The following CEP170B variants were observed in gnomAD, a reference collection of about 807,000 sequenced individuals.
The protein encoded by CEP170B is centrosomal protein of 170 kDa protein B.
Under a neutral mutation model 120.6 loss-of-function variants are expected in CEP170B, and 55 were observed. The observed-to-expected ratio is 0.46, with a 90% confidence interval of 0.37 to 0.57. The LOEUF is 0.57. Ranked by LOEUF, CEP170B falls within the 20% of genes least tolerant of loss-of-function variation. CEP170B has a pLI of 0.00. For synonymous variants in CEP170B, 1,033 were observed against 954.5 expected (o/e 1.08, Z -1.52); for missense variants, 2,212 against 2,253.3 (o/e 0.98, Z 0.37).
intron 7 of CEP170B, 56 bp from the exon 8 acceptor site, chr14:104,882,979 G>A: frequency 1.4e-6 from 2 of 1,467,190 alleles, no homozygotes; most frequent in Non-Finnish European, 1.8e-6. Context: ...TGGCTGAGGA[G>A]GGTGGTGGCA....
At position 104,884,411 on chromosome 14, in the gene CEP170B, G is replaced by A. The variant is rs568983781; in HGVS notation, c.1632G>A (p.Pro544=). ...GCCCCGTGGGCCCCCCGACCCCACC[G>A]CCCGCCCCCACGGACCCCCAGCTGA... is the stretch of plus-strand genomic sequence containing the variant. The part of the protein sequence containing the change: ...GTSPVGPPTP[P]PAPTDPQLTK... The change falls in exon 9 of 19, where the codon CCG becomes CCA. Residue 544 remains proline, a synonymous_variant. Coordinates refer to ENST00000414716, the MANE Select transcript of CEP170B (RefSeq NM_001112726.3). The A allele has an allele frequency of 9.5e-4, 681 of 719,426 alleles. 2 individuals are homozygous for A. The East Asian group carries it at 0.017, about 18-fold the overall frequency. 44.6% of individuals were successfully genotyped at this position (719,426 alleles called of 1,614,324 possible).
At chr14:104,879,211 C>T (rs907347255) in intron 5 of CEP170B, among the ~76,000 whole-genome samples, 1 of 152,112 alleles carries the variant, frequency 6.6e-6, no homozygotes, top group African/African-American at 2.4e-5. Flanking sequence ...AATTTGGTCT[C>T]TCTGTGAGTG....
intron 13 of CEP170B, among the ~76,000 whole-genome samples, chr14:104,890,154 A>G (rs1294339357): frequency 4.5e-5 from 3 of 66,250 alleles, no homozygotes; most frequent in East Asian, 9.4e-4. Context: ...GGATGGATGG[A>G]TGGATGCATG....
At position 104,896,415 on chromosome 14, in the gene CEP170B, C is replaced by T. The variant is rs1012305450; in HGVS notation, c.*1457C>T. The T allele has an allele frequency of 4.6e-5, 17 of 369,692 alleles. 1 individual carries two copies. Among genetic ancestry groups the T allele is most frequent in the South Asian group, 1.4e-4 (7 of 51,372 alleles). The allele number at this position is 369,692 out of a possible 1,614,324, so 22.9% of individuals were successfully genotyped here. A position where few individuals can be genotyped will look rare whatever the true frequency, so the allele number is the denominator to read the frequency against. ...TGGAGGAGGTGCTAGCCCGGTCCAC[C>T]GGGCTGCTGCCCACCCCTGCATGCC... is the stretch of plus-strand genomic sequence containing the variant. On this transcript the variant is annotated 3_prime_UTR_variant, in exon 19 of 19. Coordinates refer to ENST00000414716, the MANE Select transcript of CEP170B (RefSeq NM_001112726.3).
rs1035177790 is a variant in CEP170B, at chr14:104,891,623, G to A, written c.3879-1353G>A. On this transcript the variant is annotated intron_variant, in intron 13 of 18. Coordinates refer to ENST00000414716, the MANE Select transcript of CEP170B (RefSeq NM_001112726.3). The surrounding 1 kb of genome is among the most constrained non-coding windows in gnomAD (Gnocchi z 4.3). Reference sequence around the variant, plus strand: ...CATCAGCGGAGGAGGCTAGCACAGGGCTAGGGCTCTGGACAGAGACACTGC... The same window carrying A: ...CATCAGCGGAGGAGGCTAGCACAGGACTAGGGCTCTGGACAGAGACACTGC... Among the ~76,000 whole-genome samples the A allele has an allele frequency of 3.3e-5, 5 of 152,070 alleles. No homozygotes were observed. The highest frequency in any genetic ancestry group is 7.4e-5 in the Non-Finnish European group (5 of 67,988).
At chr14:104,893,990 C>T (rs749245900) in intron 16 of CEP170B, 141 bp downstream of exon 16, 4 of 815,666 alleles carry the variant, frequency 4.9e-6, no homozygotes, top group East Asian at 5.3e-5. Context: ...CCCGTGTGCA[C>T]GTGTATGTGG....
At position 104,895,045 on chromosome 14, in the gene CEP170B, G is replaced by A; in HGVS notation, c.*87G>A. 7.0e-7 allele frequency: 1 copy of A among 1,419,382 alleles called. No individual in the cohort carries two copies. Among genetic ancestry groups the A allele is most frequent in the East Asian group, 2.6e-5 (1 of 39,202 alleles). The allele number at this position is 1,419,382 out of a possible 1,614,324, so 87.9% of individuals were successfully genotyped here. ...ACACCCGCCTGCCTGGCCGCAGGTG[G>A]TTCTCCCTGAAGACCCCCACATGTG... is the stretch of plus-strand genomic sequence containing the variant. On this transcript the variant is annotated 3_prime_UTR_variant, in exon 19 of 19. Coordinates refer to ENST00000414716, the MANE Select transcript of CEP170B (RefSeq NM_001112726.3).
Position 104,887,225 on chromosome 14 carries a change from G to A in CEP170B, c.2986G>A (p.Gly996Arg), listed in dbSNP as rs774416305. The change falls in exon 12 of 19, where the codon GGA becomes AGA. Residue 996 changes from glycine (G) to arginine (R), a missense_variant. This residue lies in a region of CEP170B where 2,166 missense variants were observed against 2,166.7 expected (regional missense o/e 1.00). Transcript: ENST00000414716. ...SPSPPAAQDP[G>R]GTALVSAREQ... ...ATCCCCGCCAGCTGCACAGGACCCG[G>A]GAGGCACCGCCCTGGTCAGTGCCCG... The A allele has an allele frequency of 7.5e-6, 12 of 1,606,056 alleles. No homozygotes were observed. The highest frequency in any genetic ancestry group is 1.0e-5 in the Non-Finnish European group (12 of 1,179,648).
At chr14:104,877,370 G>GT (rs1349797948) in intron 3 of CEP170B, among the ~76,000 whole-genome samples, 1 of 152,200 alleles carries the variant, frequency 6.6e-6, no homozygotes, top group African/African-American at 2.4e-5. Context: ...TCTGAGGCCT[G>GT]TGATGCCCAC....
intron 9 of CEP170B, among the ~76,000 whole-genome samples, chr14:104,885,040 C>T (rs1394593243): frequency 1.6e-4 from 5 of 30,966 alleles, no homozygotes; most frequent in African/African-American, 4.8e-4. Context: ...TGAGAGTACT[C>T]GTGGGGAACG....
chr14:104,886,367 G>C lies in CEP170B; in HGVS notation c.2128G>C (p.Asp710His). Reference protein sequence around the residue: ...RLPQLPSERADSPAGPESSRR... With the variant: ...RLPQLPSERAHSPAGPESSRR... The stretch of plus-strand genomic sequence containing the variant: ...CCCTCAGCTGCCCAGTGAGAGGGCT[G>C]ACAGCCCTGCGGGCCCAGAGAGCAG... Residue 710 changes from aspartate (D) to histidine (H), a missense_variant, in exon 12 of 19, where the codon GAC becomes CAC. Asp to His is a moderately conservative substitution (Grantham distance 81). Transcript: ENST00000414716. 1 of 1,579,498 alleles carries C rather than the reference G, an allele frequency of 6.3e-7. No individual in the cohort carries two copies. The highest frequency in any genetic ancestry group is 8.6e-7 in the Non-Finnish European group (1 of 1,164,856).
chr14:104,880,288 A>T lies in CEP170B; in HGVS notation c.335A>T (p.His112Leu). 1.9e-6 allele frequency: 3 copies of T among 1,597,390 alleles called. No homozygotes were observed. Among genetic ancestry groups the T allele is most frequent in the Non-Finnish European group, 2.6e-6 (3 of 1,172,754 alleles). Reference sequence around the variant, plus strand: ...TCACCCCGCCTGGCCTGCCCACAGCATGAAAAGTACACCAGCCAGCTGCAG... The same window carrying T: ...TCACCCCGCCTGGCCTGCCCACAGCTTGAAAAGTACACCAGCCAGCTGCAG... ...QHRVPEEALK[H>L]EKYTSQLQVS... is the part of the protein sequence containing the mutation. The change falls in exon 6 of 19, where the codon CAT (histidine) becomes CTT (leucine). Residue 112 changes from histidine to leucine, a missense_variant and splice_region_variant. Around this residue, in one of 2 missense-constraint regions of CEP170B, gnomAD observed 2,166 missense variants for 2,166.7 expected, o/e 1.00. Coordinates refer to ENST00000414716, the MANE Select transcript of CEP170B (RefSeq NM_001112726.3).
chr14:104,875,677 G>C (rs965443628), intron 2 of CEP170B, among the ~76,000 whole-genome samples: 1 of 152,162 alleles, frequency 6.6e-6, no homozygotes, highest in African/African-American at 2.4e-5. Flanking sequence ...GTCTCCCCAT[G>C]CCCCAGTGGG....
At position 104,886,785 on chromosome 14, in the gene CEP170B, G is replaced by C; in HGVS notation, c.2546G>C (p.Arg849Pro). 1.2e-6 allele frequency: 2 copies of C among 1,611,590 alleles called. No homozygotes were observed. The highest frequency in any genetic ancestry group is 1.7e-6 in the Non-Finnish European group (2 of 1,179,786). Residue 849 changes from arginine to proline, a missense_variant, in exon 12 of 19, where the codon CGG (arginine) becomes CCG (proline). Coordinates refer to ENST00000414716, the MANE Select transcript of CEP170B (RefSeq NM_001112726.3). ...SANGRMVIQL[R>P]PGRSPEPDGP... is the part of the protein sequence containing the mutation. ...AATGGGAGAATGGTCATCCAGCTAC[G>C]GCCTGGACGGTCCCCAGAACCCGAC...
At position 104,894,393 on chromosome 14, in the gene CEP170B, C is replaced by T; in HGVS notation, c.4365+15C>T. 3.1e-6 allele frequency: 5 copies of T among 1,611,604 alleles called. No homozygotes were observed. The highest frequency in any genetic ancestry group is 4.2e-6 in the Non-Finnish European group (5 of 1,178,394). The stretch of plus-strand genomic sequence containing the variant: ...CATCTAACAAGGTGAGCGCTGGGGC[C>T]CCGTGCCCCTTGGCCTGCCCCCAGC... On this transcript the variant is annotated intron_variant, in intron 17 of 18. Coordinates refer to ENST00000414716, the MANE Select transcript of CEP170B (RefSeq NM_001112726.3).
In CEP170B at chr14:104,868,394, G is replaced by C. The variant is rs1392685231; in HGVS notation, c.-27-30G>C. The stretch of plus-strand genomic sequence containing the variant: ...AGGGGGCTAAGAACCAGGCCAGGGA[G>C]CCCCACTCTAACAATCCCCTCTTCC... On this transcript the variant is annotated intron_variant, in intron 1 of 18. Coordinates refer to ENST00000414716, the MANE Select transcript of CEP170B (RefSeq NM_001112726.3). The surrounding 1 kb of genome is among the most constrained non-coding windows in gnomAD (Gnocchi z 5.9). 1 of 1,471,152 alleles carries C rather than the reference G, an allele frequency of 6.8e-7. No homozygotes were observed. Among genetic ancestry groups the C allele is most frequent in the Non-Finnish European group, 9.3e-7 (1 of 1,080,966 alleles). 91.1% of individuals were successfully genotyped at this position (1,471,152 alleles called of 1,614,324 possible).
In CEP170B at chr14:104,870,733, T is replaced by C. The variant is rs1895434804; in HGVS notation, c.105+2178T>C. ...TGGAGCCCTGAGCAGGTCGGGAGTG[T>C]TGGGGGCTTCCCAGCTCTCCTCAGT... On this transcript the variant is annotated intron_variant, in intron 2 of 18. Transcript: ENST00000414716. The surrounding 1 kb of genome is among the most constrained non-coding windows in gnomAD (Gnocchi z 4.1). 6.6e-6 allele frequency among the ~76,000 whole-genome samples: 1 copy of C among 152,140 alleles called. No individual in the cohort carries two copies. The highest frequency in any genetic ancestry group is 2.4e-5 in the African/African-American group (1 of 41,416).
intron 12 of CEP170B, 67 bp from the exon 13 acceptor site, chr14:104,889,553 A>G (rs766810027): frequency 6.3e-7 from 1 of 1,599,776 alleles, no homozygotes; most frequent in Non-Finnish European, 8.5e-7. Flanking sequence ...TTACACGTCC[A>G]CCTCTGAGGA....
In CEP170B at chr14:104,891,231, C is replaced by T. The variant is rs970663407; in HGVS notation, c.3878+1473C>T. Among the ~76,000 whole-genome samples, 1 of 152,004 alleles carries T rather than the reference C, an allele frequency of 6.6e-6. No homozygotes were observed. Among genetic ancestry groups the T allele is most frequent in the Non-Finnish European group, 1.5e-5 (1 of 67,970 alleles). On this transcript the variant is annotated intron_variant, in intron 13 of 18. Coordinates refer to ENST00000414716, the MANE Select transcript of CEP170B (RefSeq NM_001112726.3). This position sits in a 1 kb window ranked among gnomAD's most constrained non-coding sequence, Gnocchi z 4.3. ...GTAACAGGGCCCTCTCCAGGCCAGGCGCTGGGGAGGATGGGGTAGGGAGTT... is the reference window on the plus strand; with the variant it reads ...GTAACAGGGCCCTCTCCAGGCCAGGTGCTGGGGAGGATGGGGTAGGGAGTT...
Sources: allele counts gnomAD v4.1 joint callset (sites outside exome capture counted in the v4.1 genomes callset), GRCh38; gene constraint gnomAD v4.1.1; regional missense constraint gnomAD v4.1.1; non-coding constraint Gnocchi (gnomAD v3.1); transcripts MANE v1.5; gene names NCBI Gene and HGNC (gene_info 2026-07-23, HGNC 2026-07-21).